Variants in TRIB2 observed in about 807,000 individuals in gnomAD.
TRIB2 encodes the protein tribbles homolog 2.
A neutral mutation model predicts 26.8 loss-of-function variants in TRIB2; 2 were observed. That is an observed-to-expected ratio of 0.07 (90% confidence interval 0.03 to 0.24). The LOEUF is 0.24. TRIB2 is among the 10% of genes least tolerant of loss of function. The pLI is 1.00. For synonymous variants in TRIB2, 189 were observed against 187.3 expected, an observed-to-expected ratio of 1.01 and a Z score of -0.08; for missense variants, 306 against 449.0, an observed-to-expected ratio of 0.68 and a Z score of 2.88.
chr2:12,731,986 A>C (rs1661468597), intron 2 of TRIB2, among the ~76,000 whole-genome samples: 1 of 152,216 alleles, frequency 6.6e-6, no homozygotes, highest in African/African-American at 2.4e-5. Flanking sequence ...CATGGCTGAA[A>C]GTCTCAATGC....
chr2:12,731,292 G>T (rs1462161353), intron 2 of TRIB2, among the ~76,000 whole-genome samples: 1 of 152,126 alleles, frequency 6.6e-6, no homozygotes, highest in Non-Finnish European at 1.5e-5. Flanking sequence ...TGTAGGGAGG[G>T]CTGTGCTGCT....
intron 2 of TRIB2, among the ~76,000 whole-genome samples, chr2:12,727,990 A>G (rs1661369948): frequency 6.6e-6 from 1 of 152,112 alleles, no homozygotes; most frequent in Non-Finnish European, 1.5e-5. Context: ...TAGAAGCCCC[A>G]TGTTTCAGGC....
chr2:12,717,750 G>C lies in TRIB2; in HGVS notation c.-558G>C, dbSNP rs988870364. ...CCCCCACCCTTTCCACCAAAAAAAG[G>C]GGGTGCAGCGCGGATTCTGGCTGCC... On this transcript the variant is annotated 5_prime_UTR_variant, in exon 1 of 3. Transcript: ENST00000155926. The surrounding 1 kb of genome is among the most constrained non-coding windows in gnomAD (Gnocchi z 4.8). 1 of 360,590 alleles carries C rather than the reference G, an allele frequency of 2.8e-6. No homozygotes were observed. Among genetic ancestry groups the C allele is most frequent in the Admixed American group, 4.6e-5 (1 of 21,508 alleles). 22.3% of individuals were successfully genotyped at this position (360,590 alleles called of 1,614,324 possible).
intron 2 of TRIB2, among the ~76,000 whole-genome samples, chr2:12,723,995 C>T (rs1661282991): frequency 6.6e-6 from 1 of 152,186 alleles, no homozygotes; most frequent in African/African-American, 2.4e-5. Context: ...TCACAATTCT[C>T]AGTACTATTA....
chr2:12,730,344 T>A (rs1461062804), intron 2 of TRIB2, among the ~76,000 whole-genome samples: 7 of 152,224 alleles, frequency 4.6e-5, no homozygotes, highest in Admixed American at 4.6e-4. Context: ...CCCAGGCCCC[T>A]GGCTCCAGAG....
rs543265390 is a variant in TRIB2 at position 12,722,246 on chromosome 2, A to G, written c.271-1014A>G. ...AGCTAAATCATTGTGAACTGATAGC[A>G]TGCAGTGTATTGTTAGGGCGTTCCT... On this transcript the variant is annotated intron_variant, in intron 1 of 2. Coordinates refer to ENST00000155926, the MANE Select transcript of TRIB2 (RefSeq NM_021643.4). Among the ~76,000 whole-genome samples the G allele has an allele frequency of 1.9e-4, 29 of 152,334 alleles. 1 individual carries two copies. The highest frequency in any genetic ancestry group is 6.0e-4 in the African/African-American group (25 of 41,570).
chr2:12,740,454 C>A lies in TRIB2; in HGVS notation c.692C>A (p.Ser231Ter). ...ATCTTGAACACCAGTGGCAGCTACT[C>A]GGGCAAAGCAGCCGACGTGTGGAGC... is the stretch of plus-strand genomic sequence containing the variant. The part of the protein sequence containing the change: ...PEILNTSGSY[S>*]GKAADVWSLG... The change falls in exon 3 of 3, where the codon TCG (serine) becomes TAG (stop). Residue 231 changes from serine to a stop codon, truncating the protein, a stop_gained. Coordinates refer to ENST00000155926, the MANE Select transcript of TRIB2 (RefSeq NM_021643.4). LOFTEE classifies it high-confidence loss of function. This position sits in a 1 kb window ranked among gnomAD's most constrained non-coding sequence, Gnocchi z 5.8. 1 of 1,614,132 alleles carries A rather than the reference C, an allele frequency of 6.2e-7. No homozygotes were observed. Among genetic ancestry groups the A allele is most frequent in the Non-Finnish European group, 8.5e-7 (1 of 1,180,032 alleles).
Position 12,717,149 on chromosome 2 carries a change from T to A in TRIB2, c.-1159T>A. 2.6e-6 allele frequency: 1 copy of A among 382,680 alleles called. No individual in the cohort carries two copies. The highest frequency in any genetic ancestry group is 4.6e-6 in the Non-Finnish European group (1 of 216,922). The allele number at this position is 382,680 out of a possible 1,614,324, so 23.7% of individuals were successfully genotyped here. On this transcript the variant is annotated 5_prime_UTR_variant, in exon 1 of 3. Transcript: ENST00000155926. The surrounding 1 kb of genome is among the most constrained non-coding windows in gnomAD (Gnocchi z 4.8). ...TTCTCTGGGGGGGGCAAGCAAGAAA[T>A]CAAAGAAGGAGGAGACAAGCCGTCA... is the stretch of plus-strand genomic sequence containing the variant.
At chr2:12,719,445 C>T (rs1666676862) in intron 1 of TRIB2, among the ~76,000 whole-genome samples, 1 of 151,988 alleles carries the variant, frequency 6.6e-6, no homozygotes, top group Non-Finnish European at 1.5e-5. Context: ...TGTGCACCCA[C>T]CGGGCCCCAG....
chr2:12,718,110 C>G lies in TRIB2; in HGVS notation c.-198C>G. 1 of 716,298 alleles carries G rather than the reference C, an allele frequency of 1.4e-6. No homozygotes were observed. Among genetic ancestry groups the G allele is most frequent in the East Asian group, 2.8e-5 (1 of 35,788 alleles). 44.4% of individuals were successfully genotyped at this position (716,298 alleles called of 1,614,324 possible). On this transcript the variant is annotated 5_prime_UTR_variant, in exon 1 of 3. Transcript: ENST00000155926. This position sits in a 1 kb window ranked among gnomAD's most constrained non-coding sequence, Gnocchi z 4.0. The stretch of plus-strand genomic sequence containing the variant: ...CTGCCGACCGAGGACCCCCGGGAGC[C>G]GGGCTCGGAGCAGACGAGGTATCCG...
chr2:12,738,139 GAACTCCC>G (rs1367176152), intron 2 of TRIB2, among the ~76,000 whole-genome samples: 1 of 152,168 alleles, frequency 6.6e-6, no homozygotes, highest in Non-Finnish European at 1.5e-5. Flanking sequence ...TTGCTGTAGA[GAACTCCC>G]AGCAGCAATC....
At chr2:12,734,309 G>A (rs1470088710) in intron 2 of TRIB2, among the ~76,000 whole-genome samples, 2 of 152,060 alleles carry the variant, frequency 1.3e-5, no homozygotes, top group African/African-American at 4.8e-5. Flanking sequence ...TTCTCGGACT[G>A]TTTCTGGTAC....
At chr2:12,721,638 T>C (rs1245843324) in intron 1 of TRIB2, among the ~76,000 whole-genome samples, 1 of 152,224 alleles carries the variant, frequency 6.6e-6, no homozygotes, top group African/African-American at 2.4e-5. Context: ...TTGTGGTCTC[T>C]GGAGATGTTG....
At position 12,740,386 on chromosome 2, in the gene TRIB2, C is replaced by T. The variant is rs1661687911; in HGVS notation, c.624C>T (p.Ser208=). Residue 208 remains serine (S), a synonymous_variant, in exon 3 of 3, where the codon TCC becomes TCT. Coordinates refer to ENST00000155926, the MANE Select transcript of TRIB2 (RefSeq NM_021643.4). This position sits in a 1 kb window ranked among gnomAD's most constrained non-coding sequence, Gnocchi z 5.8. ...DAYILRGDDD[S]LSDKHGCPAY... is the part of the protein sequence containing the mutation. ...ACATTCTGCGGGGAGATGATGATTC[C>T]CTCTCCGACAAGCATGGCTGCCCGG... 1.2e-6 allele frequency: 2 copies of T among 1,614,130 alleles called. No homozygotes were observed. The highest frequency in any genetic ancestry group is 1.7e-6 in the Non-Finnish European group (2 of 1,180,024).
chr2:12,735,057 G>T (rs1184630163), intron 2 of TRIB2, among the ~76,000 whole-genome samples: 1 of 152,176 alleles, frequency 6.6e-6, no homozygotes, highest in African/African-American at 2.4e-5. Context: ...CAAGTCCACA[G>T]TGACCAGAGC....
rs897694160 is a variant in TRIB2, at chr2:12,717,525, G to T, written c.-783G>T. 1.3e-5 allele frequency: 5 copies of T among 398,260 alleles called. No homozygotes were observed. Among genetic ancestry groups the T allele is most frequent in the Non-Finnish European group, 2.2e-5 (5 of 225,864 alleles). The allele number at this position is 398,260 out of a possible 1,614,324, so 24.7% of individuals were successfully genotyped here. A position where few individuals can be genotyped will look rare whatever the true frequency, so the allele number is the denominator to read the frequency against. ...TTGTCGCGGTACCTGCGCCCAGCCC[G>T]CGCCGCAACTCTGTGCCCAGCTTTT... is the stretch of plus-strand genomic sequence containing the variant. On this transcript the variant is annotated 5_prime_UTR_variant, in exon 1 of 3. Transcript: ENST00000155926. This position sits in a 1 kb window ranked among gnomAD's most constrained non-coding sequence, Gnocchi z 4.8.
At chr2:12,722,876 G>A (rs1208385568) in intron 1 of TRIB2, among the ~76,000 whole-genome samples, 2 of 152,120 alleles carry the variant, frequency 1.3e-5, no homozygotes, top group East Asian at 3.8e-4. Context: ...ATGTCATTGA[G>A]GTGGATCACT....
chr2:12,724,894 T>C, intron 2 of TRIB2: 1 of 1,525,908 alleles, frequency 6.6e-7, no homozygotes, highest in Non-Finnish European at 8.8e-7. Flanking sequence ...TCTCTACCCT[T>C]GTATGTTCCA....
At chr2:12,730,930 G>A (rs1661438953) in intron 2 of TRIB2, among the ~76,000 whole-genome samples, 2 of 152,168 alleles carry the variant, frequency 1.3e-5, no homozygotes, top group South Asian at 2.1e-4. Flanking sequence ...TGCATAAGAA[G>A]AGTCTTGCCT....
Sources: gnomAD v4.1 joint callset for allele counts (sites outside exome capture counted in the v4.1 genomes callset) on GRCh38, gnomAD v4.1.1 for gene constraint, Gnocchi (gnomAD v3.1) non-coding constraint, MANE v1.5 for transcripts, NCBI Gene and HGNC (gene_info 2026-07-23, HGNC 2026-07-21) for gene names.